MAP2: variants seen among roughly 807,000 people sequenced by gnomAD.
The protein encoded by MAP2 is microtubule-associated protein 2.
Under a neutral mutation model 137.6 loss-of-function variants are expected in MAP2, and 14 were observed. The ratio of observed to expected loss-of-function variants is 0.10; its 90% CI spans 0.07 to 0.16. The LOEUF (loss-of-function observed/expected upper bound fraction) is 0.16. Ranked by LOEUF, MAP2 falls within the 10% of genes least tolerant of loss-of-function variation. The pLI, the probability that MAP2 is intolerant of heterozygous loss-of-function variation, is 1.00. For synonymous variants in MAP2, 786 were observed against 782.3 expected (o/e 1.00, Z -0.08); for missense variants, 2,088 against 2,191.5 (o/e 0.95, Z 0.94).
intron 1 of MAP2, among the ~76,000 whole-genome samples, chr2:209,435,987 AT>A (rs1477643957): frequency 2.2e-5 from 2 of 88,938 alleles, no homozygotes; most frequent in Non-Finnish European, 4.0e-5. Flanking sequence ...TATACAGTAT[AT>A]ATTATATACT....
intron 13 of MAP2, among the ~76,000 whole-genome samples, chr2:209,721,556 A>C (rs2070969235): frequency 1.3e-5 from 2 of 152,192 alleles, no homozygotes; most frequent in Admixed American, 6.5e-5. Context: ...TAAGATTCTA[A>C]ATAATCTCTT....
intron 4 of MAP2, among the ~76,000 whole-genome samples, chr2:209,638,518 T>C (rs926189958): frequency 7.2e-5 from 11 of 152,118 alleles, no homozygotes; most frequent in Non-Finnish European, 1.0e-4. Flanking sequence ...TTTATATGAC[T>C]CATACGTTAC....
intron 5 of MAP2, among the ~76,000 whole-genome samples, chr2:209,675,086 T>G (rs762410982): frequency 6.6e-5 from 10 of 151,858 alleles, no homozygotes; most frequent in Non-Finnish European, 1.2e-4. Context: ...TGACATGCCC[T>G]ATTTGAAAAA....
intron 1 of MAP2, among the ~76,000 whole-genome samples, chr2:209,507,126 A>G (rs1339392399): frequency 6.6e-6 from 1 of 152,056 alleles, no homozygotes; most frequent in Non-Finnish European, 1.5e-5. Context: ...CCACCTCCAA[A>G]TATCACATTG....
intron 1 of MAP2, among the ~76,000 whole-genome samples, chr2:209,505,953 C>T (rs1400105505): frequency 6.6e-6 from 1 of 151,996 alleles, no homozygotes; most frequent in African/African-American, 2.4e-5. Flanking sequence ...GACTAGGTGA[C>T]AGAGTGAGAC....
intron 12 of MAP2, among the ~76,000 whole-genome samples, chr2:209,708,927 C>G (rs12995186): frequency 1.3e-5 from 2 of 152,106 alleles, no homozygotes; most frequent in Non-Finnish European, 2.9e-5. Flanking sequence ...GTTTGGTTAT[C>G]AGTTGGTTGG....
intron 3 of MAP2, among the ~76,000 whole-genome samples, chr2:209,584,695 C>A (rs2077275059): frequency 6.6e-6 from 1 of 152,056 alleles, no homozygotes; most frequent in Admixed American, 6.6e-5. Flanking sequence ...CAGAAGCTGT[C>A]ATAGAATAAT....
chr2:209,696,230 C>T lies in MAP2; in HGVS notation c.4060C>T (p.Pro1354Ser), dbSNP rs2060144957. 1.9e-6 allele frequency: 3 copies of T among 1,613,534 alleles called. No individual in the cohort carries two copies. Among genetic ancestry groups the T allele is most frequent in the East Asian group, 4.5e-5 (2 of 44,850 alleles). The change falls in exon 8 of 16, where the codon CCT becomes TCT. Residue 1354 changes from proline to serine, a missense_variant. Transcript: ENST00000682079. ...KDGSPEAPAS[P>S]EREEVALSEY... ...TGGTTCCCCAGAGGCTCCAGCTTCC[C>T]CTGAGAGAGAAGAGGTTGCACTTTC... is the stretch of plus-strand genomic sequence containing the variant.
intron 1 of MAP2, among the ~76,000 whole-genome samples, chr2:209,474,605 A>G (rs1415681814): frequency 6.6e-6 from 1 of 152,098 alleles, no homozygotes; most frequent in Non-Finnish European, 1.5e-5. Flanking sequence ...GGGGAGAAGT[A>G]TATTATATAT....
At chr2:209,569,014 A>G (rs1027600032) in intron 2 of MAP2, among the ~76,000 whole-genome samples, 14 of 151,874 alleles carry the variant, frequency 9.2e-5, no homozygotes, top group African/African-American at 3.1e-4. Flanking sequence ...TAAATTTACT[A>G]GTTATAACTA....
intron 3 of MAP2, among the ~76,000 whole-genome samples, chr2:209,614,689 A>G (rs1420191781): frequency 6.6e-6 from 1 of 152,226 alleles, no homozygotes; most frequent in Non-Finnish European, 1.5e-5. Context: ...CTTTAGTAAT[A>G]AAATGTTGGC....
chr2:209,694,101 A>G lies in MAP2; in HGVS notation c.1931A>G (p.Tyr644Cys). ...EAGYSTLAQSYPSDLPEEPSS... is the reference protein window; with the variant it reads ...EAGYSTLAQSCPSDLPEEPSS... ...GGGTACAGCACTCTCGCACAGAGTT[A>G]TCCATCAGATTTACCTGAAGAACCC... is the stretch of plus-strand genomic sequence containing the variant. The change falls in exon 8 of 16, where the codon TAT (tyrosine) becomes TGT (cysteine). Residue 644 changes from tyrosine to cysteine, a missense_variant. By Grantham distance (194) the Tyr-to-Cys change is radical (BLOSUM62 -2). This residue lies in a region of MAP2 where 859 missense variants were observed against 794.5 expected (regional missense o/e 1.08). Coordinates refer to ENST00000682079, the MANE Select transcript of MAP2 (RefSeq NM_001375505.1). 3 of 1,613,942 alleles carry G rather than the reference A, an allele frequency of 1.9e-6. No homozygotes were observed. Among genetic ancestry groups the G allele is most frequent in the Non-Finnish European group, 2.5e-6 (3 of 1,179,930 alleles).
At chr2:209,661,424 C>A in intron 5 of MAP2, 1 of 762,360 alleles carries the variant, frequency 1.3e-6, no homozygotes. Context: ...GTTGCCATGC[C>A]AACCACTCAT....
At position 209,556,648 on chromosome 2, in the gene MAP2, A is replaced by G. The variant is rs189018404; in HGVS notation, c.-171-23388A>G. On this transcript the variant is annotated intron_variant, in intron 2 of 15. Coordinates refer to ENST00000682079, the MANE Select transcript of MAP2 (RefSeq NM_001375505.1). ...GCATACACGCACACATACTGGCAAC[A>G]TAATCTGGCCTATTAAAAAAAAAAA... is the stretch of plus-strand genomic sequence containing the variant. 4.0e-3 allele frequency among the ~76,000 whole-genome samples: 583 copies of G among 146,062 alleles called. 1 individual carries two copies. The highest frequency in any genetic ancestry group is 6.9e-3 in the Non-Finnish European group (466 of 67,624).
Position 209,695,764 on chromosome 2 carries a change from G to C in MAP2, c.3594G>C (p.Gln1198His). 6.2e-7 allele frequency: 1 copy of C among 1,613,900 alleles called. No homozygotes were observed. The highest frequency in any genetic ancestry group is 8.5e-7 in the Non-Finnish European group (1 of 1,179,974). ...CTGATGTCCAGATGGAATTTATTCA[G>C]GGGCCAAAAGAAGAAAGCAAAGAGA... Reference protein sequence around the residue: ...ERADVQMEFIQGPKEESKETP... With the variant: ...ERADVQMEFIHGPKEESKETP... The change falls in exon 8 of 16, where the codon CAG (glutamine) becomes CAC (histidine). Residue 1198 changes from glutamine to histidine, a missense_variant. By Grantham distance (24) the Gln-to-His change is conservative (BLOSUM62 0). Coordinates refer to ENST00000682079, the MANE Select transcript of MAP2 (RefSeq NM_001375505.1).
At chr2:209,578,384 A>G (rs1362432700) in intron 2 of MAP2, among the ~76,000 whole-genome samples, 1 of 151,966 alleles carries the variant, frequency 6.6e-6, no homozygotes, top group African/African-American at 2.4e-5. Flanking sequence ...TTCAAAATAC[A>G]GTATAAAACT....
intron 5 of MAP2, among the ~76,000 whole-genome samples, chr2:209,666,728 C>T (rs968875495): frequency 6.6e-6 from 1 of 151,244 alleles, no homozygotes; most frequent in African/African-American, 2.4e-5. Context: ...TTACTAGATA[C>T]GTTTGAATTT....
Position 209,657,385 on chromosome 2 carries a change from T to A in MAP2, c.262+3953T>A, listed in dbSNP as rs1457330569. ...CCATAAAGACTGTAGTAATTTAACATTCCCGTCAACATTGTTTAAGAGTTC... is the reference window on the plus strand; with the variant it reads ...CCATAAAGACTGTAGTAATTTAACAATCCCGTCAACATTGTTTAAGAGTTC... On this transcript the variant is annotated intron_variant, in intron 5 of 15. Transcript: ENST00000682079. Among the ~76,000 whole-genome samples, 7 of 152,346 alleles carry A rather than the reference T, an allele frequency of 4.6e-5. No homozygotes were observed. In the South Asian group the frequency reaches 1.0e-3, roughly 23 times the overall value.
At chr2:209,627,378 T>C (rs2092477956) in intron 4 of MAP2, among the ~76,000 whole-genome samples, 1 of 152,130 alleles carries the variant, frequency 6.6e-6, no homozygotes, top group Non-Finnish European at 1.5e-5. Flanking sequence ...GAGAAGTAAA[T>C]TATTTCGTCA....
Sources: allele counts gnomAD v4.1 joint callset (sites outside exome capture counted in the v4.1 genomes callset), GRCh38; gene constraint gnomAD v4.1.1; regional missense constraint gnomAD v4.1.1; transcripts MANE v1.5; gene names NCBI Gene and HGNC (gene_info 2026-07-23, HGNC 2026-07-21).